GPR141: variants seen among roughly 807,000 people sequenced by gnomAD.
GPR141 encodes G protein-coupled receptor 141.
Under a neutral mutation model 6.8 loss-of-function variants are expected in GPR141, and 6 were observed. The ratio of observed to expected loss-of-function variants is 0.88; its 90% CI spans 0.48 to 1.74. The LOEUF is 1.74. Among genes scored for constraint, GPR141 ranks in the 40% most tolerant of loss-of-function variants. The probability of loss-of-function intolerance (pLI) is 0.01; values close to 1 mark genes in which losing one functional copy is unlikely to be tolerated. For missense variants in GPR141, 372 were observed against 372.9 expected (o/e 1.00, Z 0.02); for synonymous variants, 140 against 142.3 (o/e 0.98, Z 0.11).
chr7:37,683,993 A>C (rs548448334), intron 1 of GPR141, 90 bp downstream of exon 1: 1 of 150,906 alleles, frequency 6.6e-6, no homozygotes, highest in East Asian at 1.9e-4. Context: ...GTCCTAATTC[A>C]GAATCTTCAA....
intron 2 of GPR141, among the ~76,000 whole-genome samples, chr7:37,737,656 C>T (rs1055376860): frequency 1.3e-5 from 2 of 151,966 alleles, no homozygotes; most frequent in Non-Finnish European, 2.9e-5. Context: ...TCTTCTTCCC[C>T]AGTGTGGCCC....
At chr7:37,739,379 G>A (rs1812415830) in intron 2 of GPR141, among the ~76,000 whole-genome samples, 1 of 152,082 alleles carries the variant, frequency 6.6e-6, no homozygotes, top group Admixed American at 6.6e-5. Flanking sequence ...ATTTCCCCAT[G>A]TCAAATCCAT....
chr7:37,734,537 A>G (rs936277570), intron 2 of GPR141, among the ~76,000 whole-genome samples: 1 of 152,224 alleles, frequency 6.6e-6, no homozygotes, highest in African/African-American at 2.4e-5. Context: ...GGAGCTTACA[A>G]TCTAGGGGAA....
At chr7:37,699,801 G>A (rs976145374) in intron 2 of GPR141, among the ~76,000 whole-genome samples, 4 of 152,140 alleles carry the variant, frequency 2.6e-5, no homozygotes, top group African/African-American at 9.7e-5. Flanking sequence ...AATGTTGTGA[G>A]GTTTTGTTTT....
intron 2 of GPR141, among the ~76,000 whole-genome samples, chr7:37,737,879 C>T (rs1316616498): frequency 6.6e-6 from 1 of 152,104 alleles, no homozygotes; most frequent in Non-Finnish European, 1.5e-5. Flanking sequence ...ATGGGATTGA[C>T]TATAAGCCTA....
At chr7:37,710,778 G>A (rs906000878) in intron 2 of GPR141, among the ~76,000 whole-genome samples, 1 of 152,080 alleles carries the variant, frequency 6.6e-6, no homozygotes, top group Non-Finnish European at 1.5e-5. Flanking sequence ...TAATAGGAGG[G>A]TATTTTTATT....
intron 2 of GPR141, among the ~76,000 whole-genome samples, chr7:37,696,077 T>C (rs1810001680): frequency 6.6e-6 from 1 of 152,232 alleles, no homozygotes; most frequent in Non-Finnish European, 1.5e-5. Context: ...CAATTCCCCA[T>C]ATAAACAATG....
At chr7:37,712,193 G>T (rs1022324964) in intron 2 of GPR141, among the ~76,000 whole-genome samples, 9 of 152,128 alleles carry the variant, frequency 5.9e-5, no homozygotes, top group African/African-American at 2.4e-5. Flanking sequence ...GTGGGTGGGG[G>T]CATCCCTGGG....
At chr7:37,691,500 G>A (rs765692237) in intron 2 of GPR141, among the ~76,000 whole-genome samples, 5 of 151,766 alleles carry the variant, frequency 3.3e-5, no homozygotes, top group Admixed American at 6.6e-5. Context: ...TTTTATTGTA[G>A]TTTTGTATGT....
intron 2 of GPR141, among the ~76,000 whole-genome samples, chr7:37,722,921 CCTTT>C (rs1184386697): frequency 5.3e-5 from 7 of 132,780 alleles, no homozygotes; most frequent in Admixed American, 7.4e-5. Flanking sequence ...TTTTCTTTTT[CCTTT>C]CCTTCCTTCC....
At chr7:37,725,740 T>C (rs1024091634) in intron 2 of GPR141, among the ~76,000 whole-genome samples, 3 of 152,224 alleles carry the variant, frequency 2.0e-5, no homozygotes, top group Non-Finnish European at 4.4e-5. Context: ...TTCTTCTTTT[T>C]GTAGGTGGAA....
intron 2 of GPR141, among the ~76,000 whole-genome samples, chr7:37,704,164 A>AT (rs1195828938): frequency 6.6e-6 from 1 of 151,588 alleles, no homozygotes; most frequent in Non-Finnish European, 1.5e-5. Flanking sequence ...GGGAGAATAT[A>AT]TTTTTTCTTT....
At chr7:37,722,196 G>C (rs1811359393) in intron 2 of GPR141, among the ~76,000 whole-genome samples, 1 of 152,144 alleles carries the variant, frequency 6.6e-6, no homozygotes, top group African/African-American at 2.4e-5. Flanking sequence ...TTGTCCTAGA[G>C]TTATTTATAA....
At chr7:37,726,470 T>C (rs1811630802) in intron 2 of GPR141, among the ~76,000 whole-genome samples, 1 of 152,194 alleles carries the variant, frequency 6.6e-6, no homozygotes, top group Non-Finnish European at 1.5e-5. Context: ...ACTCTATGTT[T>C]ATTTTATGTA....
chr7:37,694,449 G>T (rs1562766892), intron 2 of GPR141, among the ~76,000 whole-genome samples: 1 of 152,262 alleles, frequency 6.6e-6, no homozygotes, highest in Non-Finnish European at 1.5e-5. Flanking sequence ...AAGGGGCAGG[G>T]CGCAGCAACA....
intron 2 of GPR141, among the ~76,000 whole-genome samples, chr7:37,708,310 CAAAAAAAAAA>C (rs66783277): frequency 1.8e-4 from 11 of 59,776 alleles, no homozygotes; most frequent in African/African-American, 7.1e-4. Flanking sequence ...AAATTGCTGG[CAAAAAAAAAA>C]AAAAAAAAAA....
chr7:37,741,401 C>G lies in GPR141; in HGVS notation c.*90C>G. ...TAAGAATGGTATTTCATTACTTGAT[C>G]AAAACCATGCCTTGATGTACCCAAA... is the stretch of plus-strand genomic sequence containing the variant. On this transcript the variant is annotated 3_prime_UTR_variant, in exon 3 of 3. Coordinates refer to ENST00000334425, the MANE Select transcript of GPR141 (RefSeq NM_001381946.1). 1.0e-6 allele frequency: 1 copy of G among 972,658 alleles called. No homozygotes were observed. The highest frequency in any genetic ancestry group is 1.5e-6 in the Non-Finnish European group (1 of 657,220). The allele number at this position is 972,658 out of a possible 1,614,324, so 60.3% of individuals were successfully genotyped here.
Position 37,741,845 on chromosome 7 carries a change from A to G in GPR141, c.*534A>G, listed in dbSNP as rs1241172447. Reference sequence around the variant, plus strand: ...GAATAGTTAAAAATTTTTCTAGGGTATCATAACTCTGGTAGGAAGTCATCT... The same window carrying G: ...GAATAGTTAAAAATTTTTCTAGGGTGTCATAACTCTGGTAGGAAGTCATCT... On this transcript the variant is annotated 3_prime_UTR_variant, in exon 3 of 3. Coordinates refer to ENST00000334425, the MANE Select transcript of GPR141 (RefSeq NM_001381946.1). Among the ~76,000 whole-genome samples the G allele has an allele frequency of 2.0e-5, 3 of 152,200 alleles. No individual in the cohort carries two copies. The highest frequency in any genetic ancestry group is 4.4e-5 in the Non-Finnish European group (3 of 68,028).
intron 2 of GPR141, among the ~76,000 whole-genome samples, chr7:37,691,144 G>T (rs1809741070): frequency 1.3e-5 from 2 of 150,838 alleles, no homozygotes; most frequent in Admixed American, 6.6e-5. Context: ...CTCACGTTTG[G>T]TTTCTGTTTA....
Sources: allele counts gnomAD v4.1 joint callset (sites outside exome capture counted in the v4.1 genomes callset), GRCh38; gene constraint gnomAD v4.1.1; transcripts MANE v1.5; gene names NCBI Gene and HGNC (gene_info 2026-07-23, HGNC 2026-07-21).